Variants in CRIM1 observed in about 807,000 individuals in gnomAD.
The protein encoded by CRIM1 is cysteine-rich motor neuron 1 protein.
Under a neutral mutation model 116.4 loss-of-function variants are expected in CRIM1, and 32 were observed. The observed-to-expected ratio is 0.27, with a 90% CI of 0.21 to 0.37. CRIM1 has a LOEUF of 0.37. Ranked by LOEUF, CRIM1 falls within the 10% of genes least tolerant of loss-of-function variation. The pLI is 1.00. For synonymous variants in CRIM1, 590 were observed against 509.2 expected (o/e 1.16, Z -2.13); for missense variants, 1,331 against 1,354.8 (o/e 0.98, Z 0.28).
Position 36,479,805 on chromosome 2 carries a change from G to A in CRIM1, c.1372+111G>A, listed in dbSNP as rs1019469999. The A allele has an allele frequency of 7.6e-5, 80 of 1,050,738 alleles. No individual in the cohort carries two copies. The Middle Eastern group carries it at 1.0e-3, about 13-fold the overall frequency. The allele number at this position is 1,050,738 out of a possible 1,614,324, so 65.1% of individuals were successfully genotyped here. ...TCCTTGGGCATAATGTCTGCTTCAC[G>A]CTGTTACCAGTTGCCAACAAATTTA... On this transcript the variant is annotated intron_variant, in intron 7 of 16. Transcript: ENST00000280527.
intron 2 of CRIM1, among the ~76,000 whole-genome samples, chr2:36,422,515 T>C (rs1034427283): frequency 6.6e-6 from 1 of 152,166 alleles, no homozygotes; most frequent in Non-Finnish European, 1.5e-5. Context: ...TGCTGGTGTT[T>C]GTAAGAGTTA....
At chr2:36,429,967 G>A (rs1382218904) in intron 2 of CRIM1, among the ~76,000 whole-genome samples, 2 of 152,186 alleles carry the variant, frequency 1.3e-5, no homozygotes, top group East Asian at 1.9e-4. Context: ...AGAGAGAGTT[G>A]TTAAAATAAG....
intron 1 of CRIM1, among the ~76,000 whole-genome samples, chr2:36,373,986 T>C (rs1257468811): frequency 6.6e-6 from 1 of 152,250 alleles, no homozygotes. Context: ...GTAGTCTGTC[T>C]CCTAAGTGGC....
intron 5 of CRIM1, among the ~76,000 whole-genome samples, chr2:36,468,789 C>G (rs1320768743): frequency 6.6e-6 from 1 of 152,142 alleles, no homozygotes; most frequent in Admixed American, 6.5e-5. Flanking sequence ...ACCTCTCGTT[C>G]CTGGAGGCAT....
chr2:36,542,054 G>C (rs1272862880), intron 14 of CRIM1, among the ~76,000 whole-genome samples: 1 of 152,176 alleles, frequency 6.6e-6, no homozygotes, highest in Non-Finnish European at 1.5e-5. Context: ...CTTGAGGACT[G>C]TGAACTGGAG....
intron 2 of CRIM1, among the ~76,000 whole-genome samples, chr2:36,416,079 G>A (rs1429897887): frequency 6.6e-6 from 1 of 152,060 alleles, no homozygotes; most frequent in Non-Finnish European, 1.5e-5. Context: ...ATGGTAGGGT[G>A]TGCCTGTAAT....
intron 1 of CRIM1, among the ~76,000 whole-genome samples, chr2:36,381,622 C>T (rs1181491691): frequency 2.0e-5 from 3 of 152,134 alleles, no homozygotes; most frequent in Non-Finnish European, 2.9e-5. Flanking sequence ...CGGAAAAGAC[C>T]CTCCTAAAGA....
chr2:36,364,180 C>T (rs1669435607), intron 1 of CRIM1, among the ~76,000 whole-genome samples: 1 of 152,186 alleles, frequency 6.6e-6, no homozygotes, highest in African/African-American at 2.4e-5. Flanking sequence ...TTAAGTTAGT[C>T]TGGGGTGATG....
intron 8 of CRIM1, among the ~76,000 whole-genome samples, chr2:36,500,707 A>T (rs566171383): frequency 7.9e-5 from 12 of 152,342 alleles, no homozygotes; most frequent in African/African-American, 2.9e-4. Context: ...ATTAAAATAA[A>T]CTGCACAGAA....
At chr2:36,447,587 G>C (rs2124956066) in intron 4 of CRIM1, among the ~76,000 whole-genome samples, 1 of 152,350 alleles carries the variant, frequency 6.6e-6, no homozygotes, top group South Asian at 2.1e-4. Flanking sequence ...CATGATGTCA[G>C]AAGCAGGAGA....
intron 11 of CRIM1, among the ~76,000 whole-genome samples, chr2:36,515,174 G>C (rs374068952): frequency 6.6e-6 from 1 of 152,230 alleles, no homozygotes; most frequent in African/African-American, 2.4e-5. Flanking sequence ...GGAGGGATTT[G>C]TACCTGGGTC....
At chr2:36,386,076 T>C (rs1429754432) in intron 1 of CRIM1, among the ~76,000 whole-genome samples, 2 of 152,226 alleles carry the variant, frequency 1.3e-5, no homozygotes, top group African/African-American at 2.4e-5. Context: ...GTTCACACTT[T>C]TGGATGTGTG....
rs1664832457 is a variant in CRIM1, at chr2:36,513,547, T to C, written c.1781-9T>C. The C allele has an allele frequency of 1.2e-6, 2 of 1,613,516 alleles. No homozygotes were observed. The highest frequency in any genetic ancestry group is 2.2e-5 in the South Asian group (2 of 91,046). On this transcript the variant is annotated splice_polypyrimidine_tract_variant and intron_variant, in intron 10 of 16. Coordinates refer to ENST00000280527, the MANE Select transcript of CRIM1 (RefSeq NM_016441.3). ...CACTTCTTTACCAGGCTGCCTTTTGTCTGTCCAGAGGCCTCTGCTTCAGCT... is the reference window on the plus strand; with the variant it reads ...CACTTCTTTACCAGGCTGCCTTTTGCCTGTCCAGAGGCCTCTGCTTCAGCT...
chr2:36,399,980 G>A (rs1672298298), intron 2 of CRIM1, among the ~76,000 whole-genome samples: 1 of 152,202 alleles, frequency 6.6e-6, no homozygotes, highest in Admixed American at 6.5e-5. Context: ...TTGAAAAGAG[G>A]CTGGCCAGCA....
At chr2:36,435,941 T>C (rs1197240889) in intron 2 of CRIM1, among the ~76,000 whole-genome samples, 1 of 151,134 alleles carries the variant, frequency 6.6e-6, no homozygotes, top group African/African-American at 2.4e-5. Context: ...TTTTTTTTAA[T>C]GTCTGTTGCA....
chr2:36,453,469 C>A (rs1676889082), intron 4 of CRIM1, among the ~76,000 whole-genome samples: 1 of 152,142 alleles, frequency 6.6e-6, no homozygotes, highest in South Asian at 2.1e-4. Context: ...CAAGGACCCA[C>A]CCTATATATT....
intron 2 of CRIM1, among the ~76,000 whole-genome samples, chr2:36,416,137 G>A (rs1673600562): frequency 6.6e-6 from 1 of 152,126 alleles, no homozygotes. Context: ...GAACCTGGGA[G>A]GTGGAGGTTA....
intron 13 of CRIM1, among the ~76,000 whole-genome samples, chr2:36,536,761 C>T (rs1666581266): frequency 6.6e-6 from 1 of 152,072 alleles, no homozygotes; most frequent in African/African-American, 2.4e-5. Context: ...ATATACTGTA[C>T]AGACAAATAG....
In CRIM1 at chr2:36,428,707, A is replaced by G. The variant is rs549153589; in HGVS notation, c.506-12551A>G. ...GATGTAGAGCTTTGGTAAGAAGTAC[A>G]CATATTACTTGTTTGAGTGTTTCTC... On this transcript the variant is annotated intron_variant, in intron 2 of 16. Coordinates refer to ENST00000280527, the MANE Select transcript of CRIM1 (RefSeq NM_016441.3). Among the ~76,000 whole-genome samples, 345 of 152,340 alleles carry G rather than the reference A, an allele frequency of 2.3e-3. 1 individual carries two copies. In the Middle Eastern group the frequency reaches 0.031, roughly 14 times the overall value.
Sources: allele counts gnomAD v4.1 joint callset (sites outside exome capture counted in the v4.1 genomes callset), GRCh38; gene constraint gnomAD v4.1.1; transcripts MANE v1.5; gene names NCBI Gene and HGNC (gene_info 2026-07-23, HGNC 2026-07-21).